RIT2: variants seen among roughly 807,000 people sequenced by gnomAD.
RIT2 encodes the protein Ras like without CAAX 2, also known as GTP-binding protein Rit2.
A neutral mutation model predicts 23.7 loss-of-function variants in RIT2; 24 were observed. The ratio of observed to expected loss-of-function variants is 1.01; its 90% CI spans 0.73 to 1.43. RIT2 has a LOEUF of 1.43. Ranked by LOEUF, RIT2 falls within the 40% of genes most tolerant of loss-of-function variation. The pLI is 0.00. For missense variants in RIT2, 236 were observed against 266.9 expected (o/e 0.88, Z 0.81); for synonymous variants, 107 against 91.1 (o/e 1.17, Z -0.99).
intron 2 of RIT2, among the ~76,000 whole-genome samples, chr18:42,975,664 G>A (rs1322231964): frequency 6.6e-6 from 1 of 152,076 alleles, no homozygotes; most frequent in African/African-American, 2.4e-5. Flanking sequence ...CAGTAAGTGA[G>A]CCTGCCACCT....
At position 42,743,479 on chromosome 18, in the gene RIT2, C is replaced by T. The variant is rs1430065696; in HGVS notation, c.*14G>A. The T allele has an allele frequency of 6.3e-7, 1 of 1,592,074 alleles. No homozygotes were observed. On this transcript the variant is annotated 3_prime_UTR_variant, in exon 5 of 5. Coordinates refer to ENST00000326695, the MANE Select transcript of RIT2 (RefSeq NM_002930.4). ...TAAAATTCAGAGAGCGTGAGGAACT[C>T]AAAAGCAAAGATATCATGTCATATT...
chr18:42,835,342 T>C (rs1260488339), intron 4 of RIT2, among the ~76,000 whole-genome samples: 1 of 151,992 alleles, frequency 6.6e-6, no homozygotes, highest in Non-Finnish European at 1.5e-5. Context: ...ACACAACTTA[T>C]AACATCATGT....
rs1912842541 is a variant in RIT2 at position 42,743,526 on chromosome 18, A to G, written c.621T>C (p.Gly207=). 2 of 1,613,632 alleles carry G rather than the reference A, an allele frequency of 1.2e-6. No individual in the cohort carries two copies. Among genetic ancestry groups the G allele is most frequent in the Non-Finnish European group, 1.7e-6 (2 of 1,179,808 alleles). Residue 207 remains glycine (G), a synonymous_variant, in exon 5 of 5, where the codon GGT becomes GGC. Transcript: ENST00000326695. ...RKDSLWKKLK[G]SLKKKRENMT is the part of the protein sequence containing the mutation. ...TATTTTCTCTCTTCTTCTTCAAAGA[A>G]CCTTTGAGCTTCTTCCACAGGCTGT...
chr18:42,973,858 C>A (rs1910418103), intron 3 of RIT2, among the ~76,000 whole-genome samples: 1 of 150,186 alleles, frequency 6.7e-6, no homozygotes, highest in Admixed American at 6.6e-5. Context: ...GGCAATATAA[C>A]ACCTATATGG....
chr18:42,871,339 A>G (rs1399969015), intron 4 of RIT2, among the ~76,000 whole-genome samples: 1 of 152,204 alleles, frequency 6.6e-6, no homozygotes, highest in Non-Finnish European at 1.5e-5. Flanking sequence ...ATAGTCTTGT[A>G]AAATCATTTA....
chr18:42,989,908 G>A (rs1910799358), intron 2 of RIT2, among the ~76,000 whole-genome samples: 1 of 151,630 alleles, frequency 6.6e-6, no homozygotes, highest in Admixed American at 6.6e-5. Context: ...TACTAGTCAG[G>A]GTTATCCAGA....
chr18:42,758,349 A>G (rs607455), intron 4 of RIT2, among the ~76,000 whole-genome samples: 148,575 of 152,256 alleles, frequency 0.98, 72,609 homozygotes, highest in Middle Eastern at 1. Flanking sequence ...GTTTTGCAAA[A>G]GTACCATTCT....
chr18:42,839,295 T>A (rs935181444), intron 4 of RIT2, among the ~76,000 whole-genome samples: 4 of 152,040 alleles, frequency 2.6e-5, no homozygotes, highest in African/African-American at 4.8e-5. Context: ...TCAATAAACA[T>A]TAGAAGAGCT....
rs144897476 is a variant in RIT2 at position 42,941,348 on chromosome 18, C to T, written c.235-17585G>A. Among the ~76,000 whole-genome samples, 749 of 152,076 alleles carry T rather than the reference C, an allele frequency of 4.9e-3. 3 individuals are homozygous for T. Among genetic ancestry groups the T allele is most frequent in the South Asian group, 0.018 (85 of 4,812 alleles). Reference sequence around the variant, plus strand: ...GCCTAGAAGTACTTTCCCTGCTGACCGCCCCCCACCCCTCTCCAATGCATA... The same window carrying T: ...GCCTAGAAGTACTTTCCCTGCTGACTGCCCCCCACCCCTCTCCAATGCATA... On this transcript the variant is annotated intron_variant, in intron 3 of 4. Coordinates refer to ENST00000326695, the MANE Select transcript of RIT2 (RefSeq NM_002930.4).
At chr18:42,796,958 A>G (rs889651839) in intron 4 of RIT2, among the ~76,000 whole-genome samples, 5 of 152,208 alleles carry the variant, frequency 3.3e-5, no homozygotes, top group Admixed American at 6.5e-5. Context: ...AGAAGTTAAA[A>G]ATCCCTTTTT....
Position 42,743,577 on chromosome 18 carries a change from C to A in RIT2, c.570G>T (p.Leu190Phe). The change falls in exon 5 of 5, where the codon TTG becomes TTT. Residue 190 changes from leucine (L) to phenylalanine (F), a missense_variant. Physicochemically the swap from Leu to Phe is conservative, Grantham distance 22. Transcript: ENST00000326695. ...EIRKKESMPS[L>F]MEKKLKRKDS... is the part of the protein sequence containing the mutation. ...CTTTTCTCTTCAGTTTCTTTTCCAT[C>A]AAGGATGGCATGGACTCCTTCTTGC... The A allele has an allele frequency of 6.2e-7, 1 of 1,614,026 alleles. No individual in the cohort carries two copies. Among genetic ancestry groups the A allele is most frequent in the Non-Finnish European group, 8.5e-7 (1 of 1,179,986 alleles).
chr18:42,867,896 CA>C (rs1186510789), intron 4 of RIT2, among the ~76,000 whole-genome samples: 1 of 152,200 alleles, frequency 6.6e-6, no homozygotes, highest in African/African-American at 2.4e-5. Context: ...AATCCCCAAT[CA>C]ATTAAATCAG....
chr18:42,830,393 A>G (rs1906423379), intron 4 of RIT2, among the ~76,000 whole-genome samples: 1 of 152,204 alleles, frequency 6.6e-6, no homozygotes, highest in Admixed American at 6.5e-5. Flanking sequence ...AAGATGGTCA[A>G]CATGGTCAGG....
At chr18:42,954,859 T>C (rs1598728873) in intron 3 of RIT2, among the ~76,000 whole-genome samples, 1 of 152,266 alleles carries the variant, frequency 6.6e-6, no homozygotes, top group Non-Finnish European at 1.5e-5. Context: ...CCTCTCTTAC[T>C]GTTCTCAATT....
At chr18:42,942,751 A>G (rs1909634667) in intron 3 of RIT2, among the ~76,000 whole-genome samples, 1 of 152,060 alleles carries the variant, frequency 6.6e-6, no homozygotes, top group African/African-American at 2.4e-5. Context: ...CCCACCTTGC[A>G]CCCTGAGCTG....
At position 43,080,557 on chromosome 18, in the gene RIT2, C is replaced by G. The variant is rs892029738; in HGVS notation, c.103+34860G>C. The stretch of plus-strand genomic sequence containing the variant: ...ACACCTCTGCTTCTCCCTTCTGCCC[C>G]CTTATTGCTTATGTGCTACTTTGTT... On this transcript the variant is annotated intron_variant, in intron 1 of 4. Transcript: ENST00000326695. Among the ~76,000 whole-genome samples, 3 of 152,242 alleles carry G rather than the reference C, an allele frequency of 2.0e-5. No individual in the cohort carries two copies. In the East Asian group the frequency reaches 5.8e-4, roughly 29 times the overall value.
intron 1 of RIT2, among the ~76,000 whole-genome samples, chr18:43,084,005 C>T (rs966378795): frequency 6.6e-6 from 1 of 152,120 alleles, no homozygotes; most frequent in African/African-American, 2.4e-5. Flanking sequence ...ATCTAATATC[C>T]AGAATCCATG....
At chr18:42,812,951 G>A (rs1485474274) in intron 4 of RIT2, among the ~76,000 whole-genome samples, 1 of 152,134 alleles carries the variant, frequency 6.6e-6, no homozygotes, top group Non-Finnish European at 1.5e-5. Flanking sequence ...TCTAATGAAT[G>A]TCAATATGTG....
intron 4 of RIT2, among the ~76,000 whole-genome samples, chr18:42,827,683 A>G (rs1054284252): frequency 1.2e-4 from 19 of 152,310 alleles, no homozygotes; most frequent in Admixed American, 7.8e-4. Context: ...TGGTCAATAA[A>G]CATATAAAGA....
Sources: allele counts gnomAD v4.1 joint callset (sites outside exome capture counted in the v4.1 genomes callset), GRCh38; gene constraint gnomAD v4.1.1; transcripts MANE v1.5; gene names NCBI Gene and HGNC (gene_info 2026-07-23, HGNC 2026-07-21).